AGAP1: variants seen among roughly 807,000 people sequenced by gnomAD.
AGAP1 encodes the protein arf-GAP with GTPase, ANK repeat and PH domain-containing protein 1.
AGAP1 carries 29 observed loss-of-function variants against 105.3 expected under a neutral mutation model. The observed-to-expected ratio is 0.28, with a 90% CI of 0.21 to 0.38. AGAP1 has a LOEUF of 0.38. Among genes scored for constraint, AGAP1 ranks in the 10% least tolerant of loss-of-function variants. The pLI, the probability that AGAP1 is intolerant of heterozygous loss-of-function variation, is 1.00. For synonymous variants in AGAP1, 509 were observed against 485.9 expected (o/e 1.05, Z -0.63); for missense variants, 998 against 1,165.1 (o/e 0.86, Z 2.09).
chr2:235,520,693 A>G (rs1189243548), intron 1 of AGAP1, among the ~76,000 whole-genome samples: 1 of 152,182 alleles, frequency 6.6e-6, no homozygotes, highest in Non-Finnish European at 1.5e-5. Context: ...TTAAGATGAG[A>G]TAATTCTATG....
At chr2:236,091,610 A>G (rs1035617228) in intron 16 of AGAP1, among the ~76,000 whole-genome samples, 1 of 152,128 alleles carries the variant, frequency 6.6e-6, no homozygotes, top group Non-Finnish European at 1.5e-5. Context: ...CGTCTCTACA[A>G]AAAAATACAA....
chr2:235,682,790 G>A (rs1398882459), intron 1 of AGAP1, among the ~76,000 whole-genome samples: 1 of 123,130 alleles, frequency 8.1e-6, no homozygotes, highest in African/African-American at 3.3e-5. Context: ...GTGTGGGTGT[G>A]TGCACACGTG....
Position 235,879,779 on chromosome 2 carries a change from AAAATT to A in AGAP1, c.1051-3564_1051-3560del, listed in dbSNP as rs2049916816. ...CCTGTCTCTACAAAAAATAAAATAA[AAAATT>A]AGACAGACATGGTGGCATGTGTGTG... On this transcript the variant is annotated intron_variant, in intron 9 of 17. Transcript: ENST00000304032. The surrounding 1 kb of genome is among the most constrained non-coding windows in gnomAD (Gnocchi z 5.0). Among the ~76,000 whole-genome samples the A allele has an allele frequency of 6.6e-6, 1 of 152,112 alleles. No individual in the cohort carries two copies.
Position 235,692,971 on chromosome 2 carries a change from G to A in AGAP1, c.164-16208G>A, listed in dbSNP as rs1479776428. 6.6e-6 allele frequency among the ~76,000 whole-genome samples: 1 copy of A among 152,144 alleles called. No individual in the cohort carries two copies. The highest frequency in any genetic ancestry group is 1.5e-5 in the Non-Finnish European group (1 of 68,024). ...TTGGCAGGTACTGTGCATGGGAGAG[G>A]GAGTGTGGCCTGCAGGCCAGTGGCT... On this transcript the variant is annotated intron_variant, in intron 1 of 17. Coordinates refer to ENST00000304032, the MANE Select transcript of AGAP1 (RefSeq NM_001037131.3). The surrounding 1 kb of genome is among the most constrained non-coding windows in gnomAD (Gnocchi z 5.8).
intron 1 of AGAP1, among the ~76,000 whole-genome samples, chr2:235,668,792 A>G (rs1185546577): frequency 6.6e-6 from 1 of 152,366 alleles, no homozygotes; most frequent in African/African-American, 2.4e-5. Flanking sequence ...TGCCTGGCAC[A>G]TAGGATTTTA....
At chr2:235,778,723 G>A (rs1956069411) in intron 6 of AGAP1, among the ~76,000 whole-genome samples, 2 of 152,226 alleles carry the variant, frequency 1.3e-5, no homozygotes, top group South Asian at 4.1e-4. Flanking sequence ...CCCCACACAA[G>A]GTAGGACTCA....
In AGAP1 at chr2:235,875,552, C is replaced by T. The variant is rs76276861; in HGVS notation, c.1051-7793C>T. Among the ~76,000 whole-genome samples, 3 of 152,156 alleles carry T rather than the reference C, an allele frequency of 2.0e-5. No individual in the cohort carries two copies. Among genetic ancestry groups the T allele is most frequent in the South Asian group, 2.1e-4 (1 of 4,816 alleles). On this transcript the variant is annotated intron_variant, in intron 9 of 17. Coordinates refer to ENST00000304032, the MANE Select transcript of AGAP1 (RefSeq NM_001037131.3). The surrounding 1 kb of genome is among the most constrained non-coding windows in gnomAD (Gnocchi z 4.0). ...CGGAACACTTGTGCTTTGAAGGCTG[C>T]GATTGGACACGTGATTCCCAGCACG...
chr2:235,815,983 G>A (rs1365561039), intron 9 of AGAP1, among the ~76,000 whole-genome samples: 1 of 152,190 alleles, frequency 6.6e-6, no homozygotes, highest in Non-Finnish European at 1.5e-5. Flanking sequence ...GGTAAATGTT[G>A]GGCCTGTAGC....
rs377170643 is a variant in AGAP1, at chr2:235,520,380, G to A, written c.163+25531G>A. Among the ~76,000 whole-genome samples, 11 of 152,296 alleles carry A rather than the reference G, an allele frequency of 7.2e-5. No homozygotes were observed. The South Asian group carries it at 1.5e-3, about 20-fold the overall frequency. On this transcript the variant is annotated intron_variant, in intron 1 of 17. Transcript: ENST00000304032. ...CCTCCAATGAGTAGGTTCCATGACC[G>A]TCTTTCTCTCCTTCCCGGGGCCTGT...
At position 235,872,819 on chromosome 2, in the gene AGAP1, G is replaced by C. The variant is rs73996605; in HGVS notation, c.1051-10526G>C. Among the ~76,000 whole-genome samples the C allele has an allele frequency of 0.01, 1,578 of 152,336 alleles. 24 individuals carry two copies. The highest frequency in any genetic ancestry group is 0.037 in the African/African-American group (1,521 of 41,582). On this transcript the variant is annotated intron_variant, in intron 9 of 17. Coordinates refer to ENST00000304032, the MANE Select transcript of AGAP1 (RefSeq NM_001037131.3). The surrounding 1 kb of genome is among the most constrained non-coding windows in gnomAD (Gnocchi z 4.5). ...CTGCTGCACATGGGGGATGCTGAGT[G>C]TGTTCAGAGGGGCGTCCCATGGTCG...
intron 6 of AGAP1, among the ~76,000 whole-genome samples, chr2:235,765,279 G>T (rs867877181): frequency 6.7e-6 from 1 of 149,010 alleles, no homozygotes; most frequent in South Asian, 2.1e-4. Flanking sequence ...TGGGGGTGGG[G>T]GTATCTGGGA....
intron 1 of AGAP1, among the ~76,000 whole-genome samples, chr2:235,573,082 TTTCTTCTTTC>T (rs1186352094): frequency 1.7e-5 from 2 of 117,772 alleles, no homozygotes; most frequent in African/African-American, 4.0e-5. Flanking sequence ...TTCTTTCTTC[TTTCTTCTTTC>T]TTCTTCTTCT....
At chr2:236,031,823 C>A (rs911238419) in intron 13 of AGAP1, among the ~76,000 whole-genome samples, 3 of 152,114 alleles carry the variant, frequency 2.0e-5, no homozygotes, top group African/African-American at 4.8e-5. Flanking sequence ...AGTGAGCAGT[C>A]CCTGGCATTG....
chr2:236,100,110 C>T (rs2059308444), intron 16 of AGAP1, among the ~76,000 whole-genome samples: 1 of 149,846 alleles, frequency 6.7e-6, no homozygotes, highest in South Asian at 2.1e-4. Flanking sequence ...GAGCACTGGG[C>T]CTTTGCAACC....
chr2:235,669,999 CG>C, intron 1 of AGAP1: 1 of 293,776 alleles, frequency 3.4e-6, no homozygotes, highest in East Asian at 5.7e-5. Flanking sequence ...CAGCGGGGGG[CG>C]TGGGCCACAC....
intron 10 of AGAP1, among the ~76,000 whole-genome samples, chr2:235,892,417 G>C (rs2050587702): frequency 6.6e-6 from 1 of 152,104 alleles, no homozygotes; most frequent in Non-Finnish European, 1.5e-5. Context: ...TTCAAAGCCA[G>C]GGCAGCCAAA....
chr2:235,533,182 T>C (rs897742081), intron 1 of AGAP1, among the ~76,000 whole-genome samples: 1 of 152,218 alleles, frequency 6.6e-6, no homozygotes, highest in African/African-American at 2.4e-5. Context: ...AAACATCTTT[T>C]AAAAATCTAA....
rs539518072 is a variant in AGAP1 at position 236,078,152 on chromosome 2, G to A, written c.2114+28871G>A. ...CTGAAGTGTGTAGGGCAGGCCAGCC[G>A]GGGGTGTGTGTGTGTGTGTGTGTAT... On this transcript the variant is annotated intron_variant, in intron 16 of 17. Coordinates refer to ENST00000304032, the MANE Select transcript of AGAP1 (RefSeq NM_001037131.3). The surrounding 1 kb of genome is among the most constrained non-coding windows in gnomAD (Gnocchi z 5.3). Among the ~76,000 whole-genome samples the A allele has an allele frequency of 1.0e-4, 15 of 150,148 alleles. No homozygotes were observed. Among genetic ancestry groups the A allele is most frequent in the East Asian group, 1.9e-4 (1 of 5,140 alleles).
chr2:235,699,571 G>A (rs375049671), intron 1 of AGAP1, among the ~76,000 whole-genome samples: 1 of 152,094 alleles, frequency 6.6e-6, no homozygotes, highest in African/African-American at 2.4e-5. Flanking sequence ...ACTTCTTAGA[G>A]CCATGAAATG....
Sources: allele counts gnomAD v4.1 joint callset (sites outside exome capture counted in the v4.1 genomes callset), GRCh38; gene constraint gnomAD v4.1.1; non-coding constraint Gnocchi (gnomAD v3.1); transcripts MANE v1.5; gene names NCBI Gene and HGNC (gene_info 2026-07-23, HGNC 2026-07-21).